CCDC3: variants seen among roughly 807,000 people sequenced by gnomAD.
CCDC3 encodes coiled-coil domain containing 3.
Under a neutral mutation model 21.4 loss-of-function variants are expected in CCDC3, and 24 were observed. The ratio of observed to expected loss-of-function variants is 1.12; its 90% CI spans 0.81 to 1.58. The LOEUF (loss-of-function observed/expected upper bound fraction) is 1.58, where lower values mean the gene tolerates loss of function less well. CCDC3 is among the 40% of genes most tolerant of loss of function. The pLI is 0.00. For synonymous variants in CCDC3, 186 were observed against 166.0 expected (o/e 1.12, Z -0.93); for missense variants, 425 against 360.9 (o/e 1.18, Z -1.44).
At chr10:12,998,977 CA>C (rs1835806105) in intron 1 of CCDC3, among the ~76,000 whole-genome samples, 1 of 152,184 alleles carries the variant, frequency 6.6e-6, no homozygotes, top group African/African-American at 2.4e-5. Flanking sequence ...CGGTGGCTCA[CA>C]CCTGTAACCC....
chr10:13,081,284 T>C (rs986297224), intron 3 of CCDC3, among the ~76,000 whole-genome samples: 4 of 152,138 alleles, frequency 2.6e-5, no homozygotes, highest in Admixed American at 2.6e-4. Flanking sequence ...TCTTCCACTT[T>C]CCCTTCCCTC....
chr10:13,021,623 C>A (rs1836146691), intron 5 of CCDC3, among the ~76,000 whole-genome samples: 1 of 152,160 alleles, frequency 6.6e-6, no homozygotes, highest in Non-Finnish European at 1.5e-5. Context: ...GAATGTAATA[C>A]CTATCTCTTT....
chr10:13,081,792 T>C (rs1268808026), intron 3 of CCDC3, among the ~76,000 whole-genome samples: 1 of 152,188 alleles, frequency 6.6e-6, no homozygotes, highest in Non-Finnish European at 1.5e-5. Context: ...TAAAATGGAT[T>C]AAATATTCCA....
upstream of CCDC3, among the ~76,000 whole-genome samples, chr10:13,004,581 TG>T (rs1285259279): frequency 9.1e-6 from 1 of 109,740 alleles, no homozygotes; most frequent in Non-Finnish European, 1.7e-5. Context: ...CACCCCAAGA[TG>T]GAAAAGGTCC....
intron 5 of CCDC3, among the ~76,000 whole-genome samples, chr10:13,016,421 C>T (rs979185066): frequency 6.6e-6 from 1 of 151,454 alleles, no homozygotes; most frequent in Admixed American, 6.6e-5. Flanking sequence ...CGGAGACAAG[C>T]AACTCAAAAA....
At chr10:12,964,061 G>A (rs941962535) in intron 2 of CCDC3, among the ~76,000 whole-genome samples, 2 of 152,170 alleles carry the variant, frequency 1.3e-5, no homozygotes, top group Admixed American at 1.3e-4. Flanking sequence ...TGTGGAGAGG[G>A]AGAAGTTGCT....
rs59275710 is a variant in CCDC3 at position 12,910,611 on chromosome 10, A to T, written c.550-11932T>A. Among the ~76,000 whole-genome samples, 572 of 105,200 alleles carry T rather than the reference A, an allele frequency of 5.4e-3. 7 individuals carry two copies. Among genetic ancestry groups the T allele is most frequent in the East Asian group, 0.028 (108 of 3,816 alleles). 69.0% of individuals were successfully genotyped at this position (105,200 alleles called of 152,430 possible). On this transcript the variant is annotated intron_variant, in intron 2 of 2. Coordinates refer to ENST00000378825, the MANE Select transcript of CCDC3 (RefSeq NM_031455.4). ...AGTCAGAGCAAAAAAAAAAAAAAAA[A>T]TTTTTTTTTTTTTTTTGACACAGAG...
intron 5 of CCDC3, among the ~76,000 whole-genome samples, chr10:13,025,617 T>C (rs1346763071): frequency 6.6e-6 from 1 of 152,244 alleles, no homozygotes; most frequent in Non-Finnish European, 1.5e-5. Context: ...CGAACCTGTT[T>C]TATGTTGTCT....
intron 2 of CCDC3, among the ~76,000 whole-genome samples, chr10:12,964,671 T>C (rs185840769): frequency 2.0e-5 from 3 of 152,348 alleles, no homozygotes; most frequent in African/African-American, 4.8e-5. Flanking sequence ...TTGAAATTCA[T>C]TGAGTCCAGT....
intron 2 of CCDC3, 62 bp from the exon 3 acceptor site, chr10:12,898,741 G>A: frequency 6.4e-7 from 1 of 1,568,782 alleles, no homozygotes; most frequent in South Asian, 1.2e-5. Context: ...CTGCGGCCAG[G>A]GGAGTCCCAG....
chr10:13,014,793 G>T (rs998472646), intron 5 of CCDC3, among the ~76,000 whole-genome samples: 14 of 152,232 alleles, frequency 9.2e-5, no homozygotes, highest in South Asian at 6.2e-4. Flanking sequence ...AAATAGCTAT[G>T]AATTTTTTGA....
chr10:13,071,709 A>T (rs1178148862), intron 4 of CCDC3, among the ~76,000 whole-genome samples: 1 of 152,138 alleles, frequency 6.6e-6, no homozygotes. Context: ...TCCGTCCCTC[A>T]CGTACTCTGG....
chr10:13,024,254 AT>A (rs2131406908), intron 5 of CCDC3, among the ~76,000 whole-genome samples: 1 of 152,034 alleles, frequency 6.6e-6, no homozygotes, highest in East Asian at 1.9e-4. Flanking sequence ...GGCTGATATA[AT>A]TTTATTAAAA....
rs1168566067 is a variant in CCDC3 at position 12,897,197 on chromosome 10, A to G, written c.*1219T>C. ...TGGGTTGAAAGGCCATGATCAGAAG[A>G]TAACCCAGAAAAGGCCACCCAGTTG... is the stretch of plus-strand genomic sequence containing the variant. On this transcript the variant is annotated 3_prime_UTR_variant, in exon 3 of 3. Coordinates refer to ENST00000378825, the MANE Select transcript of CCDC3 (RefSeq NM_031455.4). The G allele has an allele frequency of 1.3e-5, 2 of 152,258 alleles. No homozygotes were observed. Among genetic ancestry groups the G allele is most frequent in the African/African-American group, 4.8e-5 (2 of 41,462 alleles). 9.4% of individuals were successfully genotyped at this position (152,258 alleles called of 1,614,324 possible).
intron 5 of CCDC3, among the ~76,000 whole-genome samples, chr10:13,041,437 C>T (rs754701356): frequency 1.4e-5 from 2 of 147,860 alleles, no homozygotes; most frequent in Non-Finnish European, 3.0e-5. Context: ...TTGTTCCACA[C>T]TAAGTATCTG....
At chr10:13,069,216 T>C (rs1196253026) in intron 4 of CCDC3, among the ~76,000 whole-genome samples, 1 of 152,162 alleles carries the variant, frequency 6.6e-6, no homozygotes, top group Non-Finnish European at 1.5e-5. Flanking sequence ...GATTGTGCCA[T>C]TGCACTCCAG....
At chr10:13,040,492 G>T (rs1210368359) in intron 5 of CCDC3, among the ~76,000 whole-genome samples, 1 of 152,078 alleles carries the variant, frequency 6.6e-6, no homozygotes, top group African/African-American at 2.4e-5. Context: ...ATTACCTGAG[G>T]TCAGCCTGAC....
At chr10:13,065,230 A>G (rs1836808727) in intron 4 of CCDC3, among the ~76,000 whole-genome samples, 1 of 152,198 alleles carries the variant, frequency 6.6e-6, no homozygotes, top group Non-Finnish European at 1.5e-5. Flanking sequence ...ATCTTCCTAG[A>G]GTGCTAATTG....
chr10:13,029,638 G>A (rs1836272295), intron 5 of CCDC3, among the ~76,000 whole-genome samples: 1 of 152,130 alleles, frequency 6.6e-6, no homozygotes. Context: ...GCATAGAGAA[G>A]ACCCTAAATG....
Sources: allele counts gnomAD v4.1 joint callset (sites outside exome capture counted in the v4.1 genomes callset), GRCh38; gene constraint gnomAD v4.1.1; transcripts MANE v1.5; gene names NCBI Gene and HGNC (gene_info 2026-07-23, HGNC 2026-07-21).